The following LARGE1 variants were observed in gnomAD, a reference collection of about 807,000 sequenced individuals.
LARGE1 encodes the protein xylosyl- and glucuronyltransferase LARGE1.
Under a neutral mutation model 87.6 loss-of-function variants are expected in LARGE1, and 43 were observed. The ratio of observed to expected loss-of-function variants is 0.49; its 90% CI spans 0.38 to 0.63. LARGE1 has a LOEUF of 0.63. Ranked by LOEUF, LARGE1 falls within the 30% of genes least tolerant of loss-of-function variation. LARGE1 has a pLI of 0.00. For synonymous variants in LARGE1, 434 were observed against 394.6 expected (o/e 1.10, Z -1.18); for missense variants, 802 against 1,000.2 (o/e 0.80, Z 2.67).
intron 10 of LARGE1, 51 bp downstream of exon 10, chr22:33,337,595 G>A (rs758276192): frequency 2.5e-6 from 4 of 1,608,426 alleles, no homozygotes; most frequent in South Asian, 2.2e-5. Flanking sequence ...GGTCCTTGAT[G>A]GATGAGCAGA....
intron 12 of LARGE1, among the ~76,000 whole-genome samples, chr22:33,284,127 C>CTCCT (rs1931057840): frequency 6.6e-6 from 1 of 152,126 alleles, no homozygotes; most frequent in Non-Finnish European, 1.5e-5. Context: ...TCAGTGTGTG[C>CTCCT]TCCTGCCAGC....
intron 2 of LARGE1, among the ~76,000 whole-genome samples, chr22:33,686,620 C>G (rs937230379): frequency 1.3e-5 from 2 of 149,824 alleles, no homozygotes; most frequent in Non-Finnish European, 3.0e-5. Flanking sequence ...AACATACCCC[C>G]AAATCCAAAC....
chr22:33,379,276 T>TTAA (rs1333068024), intron 9 of LARGE1, among the ~76,000 whole-genome samples: 2 of 149,984 alleles, frequency 1.3e-5, no homozygotes, highest in African/African-American at 5.0e-5. Context: ...TTTTTTTTTT[T>TTAA]ATTATACTTT....
In LARGE1 at chr22:33,454,864, C is replaced by T. The variant is rs527912060; in HGVS notation, c.788-22599G>A. 3.4e-4 allele frequency among the ~76,000 whole-genome samples: 51 copies of T among 152,168 alleles called. 1 individual carries two copies. Among genetic ancestry groups the T allele is most frequent in the Middle Eastern group, 6.8e-3 (2 of 294 alleles). The stretch of plus-strand genomic sequence containing the variant: ...ACTCTATCATGAGAACAGCATGAAA[C>T]GGATGGTGCTAAACCATTTATGAAG... On this transcript the variant is annotated intron_variant, in intron 6 of 14. Transcript: ENST00000397394.
chr22:33,694,847 C>T (rs1256869224), intron 2 of LARGE1, among the ~76,000 whole-genome samples: 1 of 152,138 alleles, frequency 6.6e-6, no homozygotes, highest in Non-Finnish European at 1.5e-5. Flanking sequence ...TGCATGCCAG[C>T]ACTGACTTTG....
At chr22:33,387,619 T>C (rs1437185305) in intron 7 of LARGE1, among the ~76,000 whole-genome samples, 2 of 151,288 alleles carry the variant, frequency 1.3e-5, no homozygotes, top group African/African-American at 2.4e-5. Context: ...AACCTATGAG[T>C]CTCTGGTGAC....
At chr22:33,900,168 T>A (rs1323907672) in intron 1 of LARGE1, among the ~76,000 whole-genome samples, 2 of 152,158 alleles carry the variant, frequency 1.3e-5, no homozygotes, top group African/African-American at 4.8e-5. Context: ...ATCTCAGGAT[T>A]TACACTCAAA....
At chr22:33,183,760 T>C (rs764474985) in intron 11 of LARGE1, among the ~76,000 whole-genome samples, 2 of 152,020 alleles carry the variant, frequency 1.3e-5, no homozygotes, top group Non-Finnish European at 2.9e-5. Flanking sequence ...TACTGGATGA[T>C]ATTTACTGTA....
intron 9 of LARGE1, among the ~76,000 whole-genome samples, chr22:33,368,080 T>C (rs1315894046): frequency 7.2e-5 from 11 of 152,360 alleles, no homozygotes; most frequent in African/African-American, 2.6e-4. Context: ...ACTTGGTTTC[T>C]TTTTAATAAA....
intron 1 of LARGE1, among the ~76,000 whole-genome samples, chr22:33,763,555 C>T (rs1272427843): frequency 6.6e-6 from 1 of 152,130 alleles, no homozygotes; most frequent in African/African-American, 2.4e-5. Context: ...CCGTGAATCT[C>T]TTAGGAGCAG....
intron 1 of LARGE1, among the ~76,000 whole-genome samples, chr22:33,837,589 C>T (rs1453058991): frequency 6.6e-6 from 1 of 152,192 alleles, no homozygotes; most frequent in Non-Finnish European, 1.5e-5. Flanking sequence ...TGTGAAAACC[C>T]TTGTGAGAGT....
intron 2 of LARGE1, among the ~76,000 whole-genome samples, chr22:33,748,298 AT>A (rs1351900572): frequency 6.6e-6 from 1 of 151,662 alleles, no homozygotes. Context: ...CGCCTGCCTA[AT>A]TTTTTGTATT....
the LARGE1 span, among the ~76,000 whole-genome samples, chr22:33,147,024 C>T: frequency 3.3e-5 from 5 of 152,064 alleles, no homozygotes; most frequent in Non-Finnish European, 7.4e-5. Flanking sequence ...AGTATTTTTT[C>T]ACTCTTCATA....
chr22:33,310,578 GT>G (rs1432601855), intron 11 of LARGE1, among the ~76,000 whole-genome samples: 1 of 152,106 alleles, frequency 6.6e-6, no homozygotes, highest in East Asian at 1.9e-4. Context: ...CTCCTAATTC[GT>G]TGTGGCATTC....
intron 6 of LARGE1, among the ~76,000 whole-genome samples, chr22:33,477,866 T>C (rs1280976449): frequency 6.6e-6 from 1 of 152,232 alleles, no homozygotes; most frequent in African/African-American, 2.4e-5. Flanking sequence ...TGACTGTCGC[T>C]GATCTAAAAT....
At chr22:33,074,978 G>A in the LARGE1 span, among the ~76,000 whole-genome samples, 3 of 152,202 alleles carry the variant, frequency 2.0e-5, no homozygotes, top group Non-Finnish European at 2.9e-5. Context: ...ACATTTTGCT[G>A]ATGAGGAATT....
chr22:33,175,144 C>T (rs963768174), intron 11 of LARGE1, among the ~76,000 whole-genome samples: 30 of 152,192 alleles, frequency 2.0e-4, no homozygotes, highest in Middle Eastern at 3.4e-3. Flanking sequence ...ATGATCAAGT[C>T]GGCTTCACCC....
At chr22:33,346,657 C>T (rs1049059510) in intron 9 of LARGE1, among the ~76,000 whole-genome samples, 3 of 152,150 alleles carry the variant, frequency 2.0e-5, no homozygotes, top group African/African-American at 4.8e-5. Context: ...AGCTCAAATG[C>T]ACATGTTCTG....
At chr22:33,079,905 G>A in the LARGE1 span, among the ~76,000 whole-genome samples, 1 of 152,108 alleles carries the variant, frequency 6.6e-6, no homozygotes, top group African/African-American at 2.4e-5. Flanking sequence ...TCCGACAATG[G>A]CATCATTGGC....
Sources: allele counts gnomAD v4.1 joint callset (sites outside exome capture counted in the v4.1 genomes callset), GRCh38; gene constraint gnomAD v4.1.1; transcripts MANE v1.5; gene names NCBI Gene and HGNC (gene_info 2026-07-23, HGNC 2026-07-21).